The following CLPB variants were observed in gnomAD, a reference collection of about 807,000 sequenced individuals.
CLPB encodes ClpB family mitochondrial disaggregase, also known as mitochondrial disaggregase.
A neutral mutation model predicts 78.4 loss-of-function variants in CLPB; 40 were observed. The observed-to-expected ratio is 0.51, with a 90% CI of 0.40 to 0.66. The LOEUF (loss-of-function observed/expected upper bound fraction) is 0.66. Among genes scored for constraint, CLPB ranks in the 30% least tolerant of loss-of-function variants. CLPB has a pLI of 0.00. For synonymous variants in CLPB, 333 were observed against 348.0 expected, an observed-to-expected ratio of 0.96 and a Z score of 0.48; for missense variants, 780 against 886.9, an observed-to-expected ratio of 0.88 and a Z score of 1.53.
At position 72,326,922 on chromosome 11, in the gene CLPB, G is replaced by A. The variant is rs149295202; in HGVS notation, c.873+2785C>T. ...GAACAACTCAGAGAAAGCCAATGCC[G>A]TTGGCATCCAGGGAGGGCTGAGGGG... On this transcript the variant is annotated intron_variant, in intron 6 of 15. Transcript: ENST00000538039. Among the ~76,000 whole-genome samples the A allele has an allele frequency of 1.7e-3, 257 of 152,376 alleles. 1 individual carries two copies. Among genetic ancestry groups the A allele is most frequent in the Non-Finnish European group, 2.8e-3 (193 of 68,036 alleles).
intron 7 of CLPB, among the ~76,000 whole-genome samples, chr11:72,310,709 G>A (rs776820639): frequency 2.6e-5 from 4 of 152,214 alleles, no homozygotes; most frequent in Non-Finnish European, 5.9e-5. Flanking sequence ...AGCATGAACT[G>A]AGTTCAAGCT....
chr11:72,430,047 G>C (rs1404729226), intron 2 of CLPB, among the ~76,000 whole-genome samples: 1 of 152,232 alleles, frequency 6.6e-6, no homozygotes, highest in Non-Finnish European at 1.5e-5. Flanking sequence ...GGATATGGGG[G>C]CTGAAGGGAG....
intron 9 of CLPB, chr11:72,304,044 G>A (rs544867436): frequency 2.6e-5 from 4 of 152,070 alleles, no homozygotes; most frequent in South Asian, 2.1e-4. Flanking sequence ...AATGAATGTC[G>A]GACGACAGAT....
Position 72,302,115 on chromosome 11 carries a change from ATCT to A in CLPB, c.1168-154_1168-152del, listed in dbSNP as rs1005741863. On this transcript the variant is annotated intron_variant, in intron 10 of 15. Transcript: ENST00000538039. ...GTCCATCTCCTGGTGTGGCAGATAG[ATCT>A]TCTCTATGTTTATTCTTCAGAGCAA... 5 of 991,210 alleles carry A rather than the reference ATCT, an allele frequency of 5.0e-6. No homozygotes were observed. The African/African-American group carries it at 6.4e-5, about 13-fold the overall frequency. The allele number at this position is 991,210 out of a possible 1,614,324, so 61.4% of individuals were successfully genotyped here.
intron 5 of CLPB, among the ~76,000 whole-genome samples, chr11:72,342,808 G>A (rs764326639): frequency 4.6e-5 from 7 of 152,308 alleles, no homozygotes; most frequent in Non-Finnish European, 1.0e-4. Flanking sequence ...CACAGTCTCC[G>A]TAGAAGGCGG....
chr11:72,319,636 C>T (rs1031146237), intron 6 of CLPB, among the ~76,000 whole-genome samples: 1 of 152,190 alleles, frequency 6.6e-6, no homozygotes, highest in Non-Finnish European at 1.5e-5. Flanking sequence ...CTCATTAAAA[C>T]GCAGGATAGT....
intron 3 of CLPB, among the ~76,000 whole-genome samples, chr11:72,390,724 T>C (rs1050496566): frequency 1.3e-5 from 2 of 152,244 alleles, no homozygotes; most frequent in Non-Finnish European, 2.9e-5. Flanking sequence ...TGTTAGGGTA[T>C]AGACTGGTGC....
At chr11:72,410,429 G>A (rs1837958036) in intron 2 of CLPB, among the ~76,000 whole-genome samples, 1 of 152,168 alleles carries the variant, frequency 6.6e-6, no homozygotes, top group African/African-American at 2.4e-5. Flanking sequence ...TCACATAGGG[G>A]TGCTATGAAG....
At chr11:72,311,641 C>T (rs1166768895) in intron 7 of CLPB, among the ~76,000 whole-genome samples, 2 of 152,258 alleles carry the variant, frequency 1.3e-5, no homozygotes, top group Non-Finnish European at 2.9e-5. Flanking sequence ...CACCTCCTCA[C>T]ACCCTGACTC....
intron 9 of CLPB, among the ~76,000 whole-genome samples, chr11:72,305,543 A>G (rs1047062396): frequency 1.3e-5 from 2 of 152,196 alleles, no homozygotes; most frequent in African/African-American, 2.4e-5. Context: ...TGAAACTTCA[A>G]GGGGTAAAGT....
At chr11:72,376,010 G>T (rs1300859274) in intron 4 of CLPB, among the ~76,000 whole-genome samples, 1 of 152,158 alleles carries the variant, frequency 6.6e-6, no homozygotes, top group African/African-American at 2.4e-5. Flanking sequence ...AAATTTAGTG[G>T]ACTTCATGGA....
At chr11:72,296,993 C>T (rs145349041) in intron 11 of CLPB, among the ~76,000 whole-genome samples, 5 of 152,336 alleles carry the variant, frequency 3.3e-5, no homozygotes, top group Admixed American at 2.6e-4. Flanking sequence ...AGAGGTCAGA[C>T]CAATGGTGCT....
At chr11:72,389,578 C>A (rs1309325266) in intron 3 of CLPB, among the ~76,000 whole-genome samples, 1 of 152,164 alleles carries the variant, frequency 6.6e-6, no homozygotes, top group Non-Finnish European at 1.5e-5. Flanking sequence ...CAGGACACAT[C>A]TCCACTCAAA....
At chr11:72,416,416 T>A (rs960814068) in intron 2 of CLPB, among the ~76,000 whole-genome samples, 5 of 152,050 alleles carry the variant, frequency 3.3e-5, no homozygotes, top group African/African-American at 1.2e-4. Flanking sequence ...AAGAAATTGC[T>A]CATAACAGGC....
intron 3 of CLPB, among the ~76,000 whole-genome samples, chr11:72,381,603 AGAACCGGCTGGG>A (rs2135680316): frequency 6.6e-6 from 1 of 152,200 alleles, no homozygotes; most frequent in South Asian, 2.1e-4. Flanking sequence ...GACTCCCCCC[AGAACCGGCTGGG>A]GCATGAATCC....
chr11:72,395,395 A>G (rs977104576), intron 3 of CLPB, among the ~76,000 whole-genome samples: 1 of 152,156 alleles, frequency 6.6e-6, no homozygotes, highest in Non-Finnish European at 1.5e-5. Flanking sequence ...AGTCCAGTGG[A>G]AAGAGCAAGG....
intron 4 of CLPB, among the ~76,000 whole-genome samples, chr11:72,360,421 C>T (rs903964318): frequency 2.0e-5 from 3 of 152,138 alleles, no homozygotes; most frequent in African/African-American, 7.2e-5. Context: ...CAGAAGACTG[C>T]CATGCCTCTT....
intron 2 of CLPB, among the ~76,000 whole-genome samples, chr11:72,405,301 A>G (rs1435927242): frequency 6.6e-6 from 1 of 152,244 alleles, no homozygotes; most frequent in Non-Finnish European, 1.5e-5. Flanking sequence ...CTGCTGAGGC[A>G]TGCACAGCCA....
chr11:72,352,093 A>C (rs1950624561), intron 5 of CLPB, among the ~76,000 whole-genome samples: 1 of 152,100 alleles, frequency 6.6e-6, no homozygotes, highest in Admixed American at 6.5e-5. Flanking sequence ...GCCACTGATT[A>C]GTTTTCTCTA....
Sources: allele counts gnomAD v4.1 joint callset (sites outside exome capture counted in the v4.1 genomes callset), GRCh38; gene constraint gnomAD v4.1.1; transcripts MANE v1.5; gene names NCBI Gene and HGNC (gene_info 2026-07-23, HGNC 2026-07-21).